ZNF541: variants seen among roughly 807,000 people sequenced by gnomAD.
ZNF541 encodes the protein zinc finger protein 541.
In ZNF541, 23 loss-of-function variants were observed where a neutral mutation model predicts 123.5. The observed-to-expected ratio is 0.19, with a 90% CI of 0.13 to 0.26. The LOEUF is 0.26. Among genes scored for constraint, ZNF541 ranks in the 10% least tolerant of loss-of-function variants. The pLI, the probability that ZNF541 is intolerant of heterozygous loss-of-function variation, is 1.00. For missense variants in ZNF541, 1,612 were observed against 1,789.9 expected (o/e 0.90, Z 1.79); for synonymous variants, 751 against 754.5 (o/e 1.00, Z 0.08).
At chr19:47,532,850 A>G in intron 10 of ZNF541, 59 bp downstream of exon 10, 1 of 1,509,254 alleles carries the variant, frequency 6.6e-7, no homozygotes, top group Non-Finnish European at 9.0e-7. Flanking sequence ...CCTTGGGAAA[A>G]GTGACACTAG....
intron 14 of ZNF541, among the ~76,000 whole-genome samples, chr19:47,525,757 C>T (rs1599941772): frequency 6.6e-6 from 1 of 151,856 alleles, no homozygotes; most frequent in East Asian, 2.0e-4. Flanking sequence ...ACTAAAAATA[C>T]AAAAAATTAG....
At chr19:47,569,151 G>T (rs1329715913) in intron 2 of ZNF541, among the ~76,000 whole-genome samples, 2 of 152,008 alleles carry the variant, frequency 1.3e-5, no homozygotes, top group Non-Finnish European at 2.9e-5. Flanking sequence ...CAACGAGGTA[G>T]ATCTGAGGGA....
intron 2 of ZNF541, among the ~76,000 whole-genome samples, chr19:47,568,399 CA>C (rs1201543245): frequency 6.6e-6 from 1 of 152,176 alleles, no homozygotes; most frequent in Non-Finnish European, 1.5e-5. Context: ...GACTGGAGTG[CA>C]GTGGCGTGAT....
rs1970235821 is a variant in ZNF541 at position 47,544,610 on chromosome 19, G to C, written c.1919C>G (p.Pro640Arg). 1.3e-6 allele frequency: 2 copies of C among 1,551,156 alleles called. No individual in the cohort carries two copies. The highest frequency in any genetic ancestry group is 3.3e-4 in the Middle Eastern group (2 of 5,992). ...CTTTGCGTCTCGTCTCGTGCTGCCG[G>C]GGGAGGCCTCTCTGGGAACCCCGGG... ...TTPGVPREASPGSTRRDAKGG... is the reference protein window; with the variant it reads ...TTPGVPREASRGSTRRDAKGG... Residue 640 changes from proline to arginine, a missense_variant, in exon 5 of 17, where the codon CCC (proline) becomes CGC (arginine). Physicochemically the swap from Pro to Arg is moderately radical, Grantham distance 103 (BLOSUM62 -2). This residue lies in a region of ZNF541 where 1,080 missense variants were observed against 1,013.8 expected (regional missense o/e 1.07). Transcript: ENST00000391901.
intron 5 of ZNF541, among the ~76,000 whole-genome samples, chr19:47,543,863 C>T (rs935268459): frequency 2.0e-5 from 3 of 151,992 alleles, no homozygotes; most frequent in Non-Finnish European, 4.4e-5. Context: ...AGGCTGATCT[C>T]GAACTCCTGA....
At position 47,539,700 on chromosome 19, in the gene ZNF541, C is replaced by G; in HGVS notation, c.2796+5G>C. 7.2e-7 allele frequency: 1 copy of G among 1,394,594 alleles called. No homozygotes were observed. The highest frequency in any genetic ancestry group is 1.5e-5 in the African/African-American group (1 of 65,532). 86.4% of individuals were successfully genotyped at this position (1,394,594 alleles called of 1,614,324 possible). A position where few individuals can be genotyped will look rare whatever the true frequency, so the allele number is the denominator to read the frequency against. ...CAGGAAGGAGGCAGGCCGACAAGCA[C>G]CCACCATGGCCATGCTCCCTATGTG... On this transcript the variant is annotated splice_donor_5th_base_variant and intron_variant, in intron 8 of 16. Transcript: ENST00000391901.
At chr19:47,562,519 G>A (rs1194532318) in intron 2 of ZNF541, among the ~76,000 whole-genome samples, 2 of 152,124 alleles carry the variant, frequency 1.3e-5, no homozygotes, top group South Asian at 2.1e-4. Context: ...ACTCCAGCCT[G>A]GGTGACAGAC....
intron 4 of ZNF541, among the ~76,000 whole-genome samples, chr19:47,546,623 G>A (rs1970370551): frequency 6.6e-6 from 1 of 152,086 alleles, no homozygotes; most frequent in Non-Finnish European, 1.5e-5. Flanking sequence ...AAGACCTCCA[G>A]AGTTGCTCCT....
chr19:47,547,193 G>A (rs761561071), intron 4 of ZNF541, among the ~76,000 whole-genome samples: 4 of 152,080 alleles, frequency 2.6e-5, no homozygotes, highest in Admixed American at 1.3e-4. Context: ...ACTTGGGGAC[G>A]ATCCTTCCTT....
At chr19:47,547,301 T>C (rs1970397777) in intron 4 of ZNF541, among the ~76,000 whole-genome samples, 1 of 152,076 alleles carries the variant, frequency 6.6e-6, no homozygotes, top group Non-Finnish European at 1.5e-5. Context: ...GCCCAATCCA[T>C]AGAAACATTA....
At position 47,526,496 on chromosome 19, in the gene ZNF541, A is replaced by AAAAAAAAAAG. The variant is rs573697191; in HGVS notation, c.3570+2453_3570+2454insCTTTTTTTTT. The stretch of plus-strand genomic sequence containing the variant: ...GACTCCATCTCAAAAAAAAAAAAAA[A>AAAAAAAAAAG]AAAAGAAAACACAGACATCTCAATA... On this transcript the variant is annotated intron_variant, in intron 14 of 16. Coordinates refer to ENST00000391901, the MANE Select transcript of ZNF541 (RefSeq NM_001277075.3). Among the ~76,000 whole-genome samples the AAAAAAAAAAG allele has an allele frequency of 3.4e-3, 467 of 137,254 alleles. 4 individuals are homozygous for AAAAAAAAAAG. Among genetic ancestry groups the AAAAAAAAAAG allele is most frequent in the African/African-American group, 0.011 (360 of 33,490 alleles). The allele number at this position is 137,254 out of a possible 152,430, so 90.0% of individuals were successfully genotyped here. A position where few individuals can be genotyped will look rare whatever the true frequency, so the allele number is the denominator to read the frequency against.
At chr19:47,531,506 A>C in intron 12 of ZNF541, 136 bp downstream of exon 12, 2 of 608,096 alleles carry the variant, frequency 3.3e-6, no homozygotes, top group South Asian at 2.4e-5. Context: ...CTGCAATCCC[A>C]AAGCCGCTGT....
intron 6 of ZNF541, 23 bp downstream of exon 6, chr19:47,540,870 G>C (rs921605707): frequency 5.2e-6 from 8 of 1,550,680 alleles, no homozygotes; most frequent in African/African-American, 1.4e-5. Context: ...GGTGCATGCA[G>C]GATCGGGGGC....
At position 47,557,141 on chromosome 19, in the gene ZNF541, C is replaced by T. The variant is rs1428621593; in HGVS notation, c.-98-1187G>A. Among the ~76,000 whole-genome samples, 4 of 152,008 alleles carry T rather than the reference C, an allele frequency of 2.6e-5. No individual in the cohort carries two copies. In the East Asian group the frequency reaches 7.7e-4, roughly 29 times the overall value. On this transcript the variant is annotated intron_variant, in intron 2 of 16. Coordinates refer to ENST00000391901, the MANE Select transcript of ZNF541 (RefSeq NM_001277075.3). ...TCATCTGCTTATCTTTTTAATGTGG[C>T]TCCTAGGAAATTTAGATTATATATG...
intron 3 of ZNF541, among the ~76,000 whole-genome samples, chr19:47,551,771 C>A (rs1174458245): frequency 2.0e-5 from 3 of 152,022 alleles, no homozygotes; most frequent in Non-Finnish European, 4.4e-5. Flanking sequence ...TGGACTCAAG[C>A]AATCCTCCTG....
At chr19:47,565,170 G>A (rs1207955562) in intron 2 of ZNF541, among the ~76,000 whole-genome samples, 1 of 151,972 alleles carries the variant, frequency 6.6e-6, no homozygotes, top group Admixed American at 6.6e-5. Context: ...AGGGTGGGAG[G>A]GGATGAGGGA....
Position 47,549,479 on chromosome 19 carries a change from C to G in ZNF541, c.314G>C (p.Gly105Ala). 1 of 1,551,764 alleles carries G rather than the reference C, an allele frequency of 6.4e-7. No homozygotes were observed. Reference sequence around the variant, plus strand: ...CTCTTTAGCCTTAAGCACACCTAGCCCCAGGTCTAAACAGAGGGAGAAAGC... The same window carrying G: ...CTCTTTAGCCTTAAGCACACCTAGCGCCAGGTCTAAACAGAGGGAGAAAGC... ...SESQASLQDL[G>A]LGVLKAKEAD... Residue 105 changes from glycine (G) to alanine (A), a missense_variant, in exon 4 of 17, where the codon GGG (glycine) becomes GCG (alanine). Coordinates refer to ENST00000391901, the MANE Select transcript of ZNF541 (RefSeq NM_001277075.3).
At chr19:47,524,028 A>G (rs1288269145) in intron 14 of ZNF541, among the ~76,000 whole-genome samples, 1 of 152,224 alleles carries the variant, frequency 6.6e-6, no homozygotes, top group African/African-American at 2.4e-5. Flanking sequence ...CCGTTCCCAC[A>G]GCCAGAGTGG....
At chr19:47,556,611 T>C (rs981365332) in intron 2 of ZNF541, among the ~76,000 whole-genome samples, 6 of 151,702 alleles carry the variant, frequency 4.0e-5, no homozygotes, top group Admixed American at 1.3e-4. Flanking sequence ...CACATGGCCC[T>C]GTGAAGCACT....
Sources: allele counts gnomAD v4.1 joint callset (sites outside exome capture counted in the v4.1 genomes callset), GRCh38; gene constraint gnomAD v4.1.1; regional missense constraint gnomAD v4.1.1; transcripts MANE v1.5; gene names NCBI Gene and HGNC (gene_info 2026-07-23, HGNC 2026-07-21).